ARHGEF40: variants seen among roughly 807,000 people sequenced by gnomAD.
ARHGEF40 encodes Rho guanine nucleotide exchange factor 40, also known as Rho guanine nucleotide exchange factor (GEF) 40.
ARHGEF40 carries 98 observed loss-of-function variants against 165.9 expected under a neutral mutation model. The observed-to-expected ratio is 0.59, with a 90% CI of 0.50 to 0.70. The LOEUF (loss-of-function observed/expected upper bound fraction) is 0.70, where lower values mean the gene tolerates loss of function less well. Among genes scored for constraint, ARHGEF40 ranks in the 30% least tolerant of loss-of-function variants. ARHGEF40 has a pLI of 0.00. For synonymous variants in ARHGEF40, 792 were observed against 814.3 expected, an observed-to-expected ratio of 0.97 and a Z score of 0.47; for missense variants, 1,815 against 1,968.0, an observed-to-expected ratio of 0.92 and a Z score of 1.47.
chr14:21,085,453 CTAA>C (rs568324010), intron 18 of ARHGEF40, among the ~76,000 whole-genome samples: 407 of 152,344 alleles, frequency 2.7e-3, no homozygotes, highest in African/African-American at 8.8e-3. Flanking sequence ...AATTCCGGCT[CTAA>C]TAAGCTGTGA....
chr14:21,088,184 G>C (rs1384182651), intron 22 of ARHGEF40, 86 bp downstream of exon 22: 1 of 1,480,456 alleles, frequency 6.8e-7, no homozygotes, highest in Non-Finnish European at 9.0e-7. Flanking sequence ...ACCCCAGGGG[G>C]GTTGGGGGAA....
Position 21,082,225 on chromosome 14 carries a change from A to G in ARHGEF40, c.3252-19A>G, listed in dbSNP as rs779519051. On this transcript the variant is annotated intron_variant, in intron 14 of 23. Transcript: ENST00000298694. ...GGCTCCCTCCCACACCTCCTCTGCC[A>G]CTCCTATTGTGCCTGCAGTGCCCAG... 6.3e-7 allele frequency: 1 copy of G among 1,593,748 alleles called. No homozygotes were observed. Among genetic ancestry groups the G allele is most frequent in the African/African-American group, 1.3e-5 (1 of 74,370 alleles).
the ARHGEF40 span, among the ~76,000 whole-genome samples, chr14:21,064,285 C>T: frequency 6.6e-6 from 1 of 151,716 alleles, no homozygotes; most frequent in Admixed American, 6.6e-5. Flanking sequence ...GAATAGTGAA[C>T]AACCACTTGA....
rs779497250 is a variant in ARHGEF40 at position 21,083,973 on chromosome 14, G to A, written c.3712G>A (p.Ala1238Thr). Reference sequence around the variant, plus strand: ...CAGTTCTGAGTGCCGGGCCCTTGGGGCTGCTGTACAGCTGCTCCGGGAACA... The same window carrying A: ...CAGTTCTGAGTGCCGGGCCCTTGGGACTGCTGTACAGCTGCTCCGGGAACA... ...ELSSECRALG[A>T]AVQLLREQEA... The change falls in exon 17 of 24, where the codon GCT becomes ACT. Residue 1238 changes from alanine to threonine, a missense_variant. By Grantham distance (58) the Ala-to-Thr change is moderately conservative (BLOSUM62 0). Coordinates refer to ENST00000298694, the MANE Select transcript of ARHGEF40 (RefSeq NM_018071.5). The A allele has an allele frequency of 3.1e-6, 5 of 1,613,558 alleles. No individual in the cohort carries two copies. The highest frequency in any genetic ancestry group is 4.2e-6 in the Non-Finnish European group (5 of 1,179,936).
chr14:21,077,139 C>G (rs1428908705), intron 8 of ARHGEF40, among the ~76,000 whole-genome samples: 1 of 152,104 alleles, frequency 6.6e-6, no homozygotes, highest in Non-Finnish European at 1.5e-5. Context: ...CAGTCTCACT[C>G]TGTCACCCAG....
At position 21,087,075 on chromosome 14, in the gene ARHGEF40, C is replaced by T. The variant is rs1290672929; in HGVS notation, c.4213C>T (p.Arg1405Trp). Residue 1405 changes from arginine (R) to tryptophan (W), a missense_variant, in exon 20 of 24, where the codon CGG becomes TGG. Physicochemically the swap from Arg to Trp is moderately radical, Grantham distance 101. Coordinates refer to ENST00000298694, the MANE Select transcript of ARHGEF40 (RefSeq NM_018071.5). ...CCTGGACATCAAAGCCCTTGGGGAG[C>T]GGACGCTGAGTGCCCTGCTCACTGG... ...PFLDIKALGE[R>W]TLSALLTGRA... 4.4e-6 allele frequency: 7 copies of T among 1,607,924 alleles called. No individual in the cohort carries two copies. The highest frequency in any genetic ancestry group is 2.2e-5 in the East Asian group (1 of 44,702).
At chr14:21,085,956 GT>G in intron 19 of ARHGEF40, 90 bp downstream of exon 19, 2 of 1,400,702 alleles carry the variant, frequency 1.4e-6, no homozygotes, top group Non-Finnish European at 9.8e-7. Flanking sequence ...TGGGAAAACA[GT>G]TTATAGGATG....
chr14:21,081,733 C>T lies in ARHGEF40; in HGVS notation c.2865C>T (p.His955=). The T allele has an allele frequency of 1.3e-6, 2 of 1,577,588 alleles. No individual in the cohort carries two copies. Among genetic ancestry groups the T allele is most frequent in the African/African-American group, 1.3e-5 (1 of 74,180 alleles). Residue 955 remains histidine (H), a synonymous_variant, in exon 14 of 24, where the codon CAC becomes CAT. Transcript: ENST00000298694. ...AGCTAGAGAGGAGGATCCAGCAACA[C>T]GTGGGAGAGGAGGCGAGCCCACGGG... The part of the protein sequence containing the change: ...CQELERRIQQ[H]VGEEASPRGY...
chr14:21,068,492 G>A (rs1886408327), upstream of ARHGEF40, among the ~76,000 whole-genome samples: 1 of 152,190 alleles, frequency 6.6e-6, no homozygotes, highest in Non-Finnish European at 1.5e-5. Context: ...AAGGCCTGGT[G>A]AGGAAAGGTT....
intron 21 of ARHGEF40, 44 bp downstream of exon 21, chr14:21,087,507 G>A (rs374871179): frequency 3.5e-5 from 55 of 1,592,014 alleles, no homozygotes; most frequent in Non-Finnish European, 4.5e-5. Context: ...CTCGGTCATG[G>A]TGGTGATGTT....
Position 21,070,374 on chromosome 14 carries a change from C to A in ARHGEF40, c.-23C>A. The stretch of plus-strand genomic sequence containing the variant: ...CGGCCCCGCCCGCCCGACCAAGCGT[C>A]GGACGCGGCCCGGCGCCGAGCCATG... On this transcript the variant is annotated 5_prime_UTR_variant, in exon 1 of 24. Coordinates refer to ENST00000298694, the MANE Select transcript of ARHGEF40 (RefSeq NM_018071.5). This position sits in a 1 kb window ranked among gnomAD's most constrained non-coding sequence, Gnocchi z 4.7. The A allele has an allele frequency of 2.1e-6, 3 of 1,407,466 alleles. No homozygotes were observed. Among genetic ancestry groups the A allele is most frequent in the South Asian group, 1.5e-5 (1 of 65,378 alleles). The allele number at this position is 1,407,466 out of a possible 1,614,324, so 87.2% of individuals were successfully genotyped here. A position where few individuals can be genotyped will look rare whatever the true frequency, so the allele number is the denominator to read the frequency against.
rs765695673 is a variant in ARHGEF40, at chr14:21,075,340, G to T, written c.1459G>T (p.Gly487Cys). ...TGTCTGTGTCTGTGCAGGACACACA[G>T]GCCCAGAAGGCCCCCTGTCTGACAC... is the stretch of plus-strand genomic sequence containing the variant. Reference protein sequence around the residue: ...PGLLCMAGHTGPEGPLSDTPT... With the variant: ...PGLLCMAGHTCPEGPLSDTPT... Residue 487 changes from glycine (G) to cysteine (C), a missense_variant, in exon 4 of 24, where the codon GGC becomes TGC. Gly to Cys is a radical substitution (Grantham distance 159). Coordinates refer to ENST00000298694, the MANE Select transcript of ARHGEF40 (RefSeq NM_018071.5). The surrounding 1 kb of genome is among the most constrained non-coding windows in gnomAD (Gnocchi z 4.5). 1.9e-6 allele frequency: 3 copies of T among 1,614,030 alleles called. No individual in the cohort carries two copies. Among genetic ancestry groups the T allele is most frequent in the South Asian group, 2.2e-5 (2 of 91,078 alleles).
Position 21,082,876 on chromosome 14 carries a change from A to C in ARHGEF40, c.3532A>C (p.Lys1178Gln), listed in dbSNP as rs545335294. The change falls in exon 16 of 24, where the codon AAA (lysine) becomes CAA (glutamine). Residue 1178 changes from lysine (K) to glutamine (Q), a missense_variant. Lys to Gln is a moderately conservative substitution (Grantham distance 53, BLOSUM62 1). Coordinates refer to ENST00000298694, the MANE Select transcript of ARHGEF40 (RefSeq NM_018071.5). The stretch of plus-strand genomic sequence containing the variant: ...TGCACAGTACGTGAAGCACCGACAC[A>C]AACTGGAGAATGGTCTGGCTGCGCT... ...LYAQYVKHRH[K>Q]LENGLAALSP... The C allele has an allele frequency of 3.1e-4, 498 of 1,614,236 alleles. 5 individuals carry two copies. In the South Asian group the frequency reaches 5.3e-3, roughly 17 times the overall value.
chr14:21,084,842 C>G lies in ARHGEF40; in HGVS notation c.3879C>G (p.Leu1293=). 1 of 1,614,220 alleles carries G rather than the reference C, an allele frequency of 6.2e-7. No individual in the cohort carries two copies. The highest frequency in any genetic ancestry group is 1.3e-5 in the African/African-American group (1 of 75,064). ...AGAAGTGCCTTCGCCATGTCTTTCT[C>G]TTCGAGCATCTCCTCCTGTTCAGCA... ...GRKKCLRHVF[L]FEHLLLFSKL... is the part of the protein sequence containing the mutation. The change falls in exon 18 of 24, where the codon CTC becomes CTG. Residue 1293 remains leucine, a synonymous_variant. Transcript: ENST00000298694.
Position 21,070,729 on chromosome 14 carries a change from C to T in ARHGEF40, c.3+330C>T. Reference sequence around the variant, plus strand: ...GCCTTCCTTTCCTGGAGCTTCCCTCCCCCTCCTGGTCCGAGCTCCTTACCC... The same window carrying T: ...GCCTTCCTTTCCTGGAGCTTCCCTCTCCCTCCTGGTCCGAGCTCCTTACCC... On this transcript the variant is annotated intron_variant, in intron 1 of 23. Coordinates refer to ENST00000298694, the MANE Select transcript of ARHGEF40 (RefSeq NM_018071.5). The surrounding 1 kb of genome is among the most constrained non-coding windows in gnomAD (Gnocchi z 4.7). 7.5e-7 allele frequency: 1 copy of T among 1,335,266 alleles called. No individual in the cohort carries two copies. Among genetic ancestry groups the T allele is most frequent in the Non-Finnish European group, 1.0e-6 (1 of 970,390 alleles). The allele number at this position is 1,335,266 out of a possible 1,614,324, so 82.7% of individuals were successfully genotyped here. A position where few individuals can be genotyped will look rare whatever the true frequency, so the allele number is the denominator to read the frequency against.
At position 21,074,571 on chromosome 14, in the gene ARHGEF40, G is replaced by T; in HGVS notation, c.841G>T (p.Gly281Cys). The T allele has an allele frequency of 1.3e-6, 2 of 1,554,644 alleles. No individual in the cohort carries two copies. The highest frequency in any genetic ancestry group is 2.3e-5 in the East Asian group (1 of 43,610). Residue 281 changes from glycine (G) to cysteine (C), a missense_variant, in exon 3 of 24, where the codon GGC (glycine) becomes TGC (cysteine). Physicochemically the swap from Gly to Cys is radical, Grantham distance 159. Coordinates refer to ENST00000298694, the MANE Select transcript of ARHGEF40 (RefSeq NM_018071.5). The surrounding 1 kb of genome is among the most constrained non-coding windows in gnomAD (Gnocchi z 4.8). ...VPTRKGAGGK[G>C]RHRRHRAWMH... ...CACCCGCAAGGGCGCTGGAGGGAAG[G>T]GCCGCCACCGGAGACACCGGGCGTG...
intron 16 of ARHGEF40, among the ~76,000 whole-genome samples, chr14:21,083,608 T>G (rs898804831): frequency 4.6e-5 from 7 of 152,152 alleles, no homozygotes; most frequent in Non-Finnish European, 8.8e-5. Context: ...GGGATTACTA[T>G]TTTGATTCTT....
Position 21,082,933 on chromosome 14 carries a change from A to C in ARHGEF40, c.3573+16A>C. 3.1e-6 allele frequency: 5 copies of C among 1,611,038 alleles called. No individual in the cohort carries two copies. Among genetic ancestry groups the C allele is most frequent in the Non-Finnish European group, 3.4e-6 (4 of 1,177,386 alleles). On this transcript the variant is annotated intron_variant, in intron 16 of 23. Coordinates refer to ENST00000298694, the MANE Select transcript of ARHGEF40 (RefSeq NM_018071.5). ...CTTAAGCAAGGTAACTTTTTCTCCA[A>C]CCTTCAGGAGAAAAGTAGAGAGGCC... is the stretch of plus-strand genomic sequence containing the variant.
At chr14:21,083,757 C>G (rs1888118265) in intron 16 of ARHGEF40, 78 bp from the exon 17 acceptor site, 1 of 1,369,396 alleles carries the variant, frequency 7.3e-7, no homozygotes, top group Non-Finnish European at 1.0e-6. Context: ...GGGTATCACC[C>G]ACCTACCCCC....
Sources: gnomAD v4.1 joint callset for allele counts (sites outside exome capture counted in the v4.1 genomes callset) on GRCh38, gnomAD v4.1.1 for gene constraint, Gnocchi (gnomAD v3.1) non-coding constraint, MANE v1.5 for transcripts, NCBI Gene and HGNC (gene_info 2026-07-23, HGNC 2026-07-21) for gene names.